DLGAP2: variants seen among roughly 807,000 people sequenced by gnomAD.
DLGAP2 encodes DLG associated protein 2.
DLGAP2 carries 26 observed loss-of-function variants against 100.3 expected under a neutral mutation model. The observed-to-expected ratio is 0.26, with a 90% CI of 0.19 to 0.36. The LOEUF (loss-of-function observed/expected upper bound fraction) is 0.36, where lower values mean the gene tolerates loss of function less well. DLGAP2 is among the 10% of genes least tolerant of loss of function. The pLI is 1.00. For synonymous variants in DLGAP2, 886 were observed against 630.1 expected, an observed-to-expected ratio of 1.41 and a Z score of -6.08; for missense variants, 1,858 against 1,453.2, an observed-to-expected ratio of 1.28 and a Z score of -4.53.
intron 2 of DLGAP2, among the ~76,000 whole-genome samples, chr8:1,165,581 G>C (rs867701921): frequency 6.6e-6 from 1 of 152,254 alleles, no homozygotes; most frequent in Non-Finnish European, 1.5e-5. Flanking sequence ...CAGCCAGCAA[G>C]ACAGGCAGTG....
rs188768672 is a variant in DLGAP2 at position 1,423,792 on chromosome 8, G to C, written c.107-77574G>C. On this transcript the variant is annotated intron_variant, in intron 3 of 14. Coordinates refer to ENST00000637795, the MANE Select transcript of DLGAP2 (RefSeq NM_001346810.2). ...GCAGGAGCAACGGGCCCATGCACTT[G>C]CAAGCTTCTAGTTGTTACAGGAGAA... is the stretch of plus-strand genomic sequence containing the variant. 1.3e-3 allele frequency among the ~76,000 whole-genome samples: 195 copies of C among 152,308 alleles called. 2 individuals carry two copies. The highest frequency in any genetic ancestry group is 4.5e-3 in the African/African-American group (188 of 41,564).
intron 13 of DLGAP2, 141 bp downstream of exon 13, chr8:1,691,767 T>C: frequency 1.3e-6 from 1 of 757,854 alleles, no homozygotes; most frequent in South Asian, 1.9e-5. Context: ...AGAAGAGGCT[T>C]CCCGCCCTGG....
rs373261771 is a variant in DLGAP2 at position 943,602 on chromosome 8, G to A, written c.73+35636G>A. ...GCACAGCGAGAACCGCTCTGTACACGATCATGTGGAGGAGCTGGCATGTGG... is the reference window on the plus strand; with the variant it reads ...GCACAGCGAGAACCGCTCTGTACACAATCATGTGGAGGAGCTGGCATGTGG... On this transcript the variant is annotated intron_variant, in intron 2 of 14. Transcript: ENST00000637795. Among the ~76,000 whole-genome samples the A allele has an allele frequency of 1.8e-4, 28 of 152,074 alleles. 1 individual carries two copies. Among genetic ancestry groups the A allele is most frequent in the Admixed American group, 1.6e-3 (24 of 15,302 alleles).
At chr8:1,263,886 G>C (rs1262179368) in intron 3 of DLGAP2, among the ~76,000 whole-genome samples, 2 of 152,072 alleles carry the variant, frequency 1.3e-5, no homozygotes, top group East Asian at 3.9e-4. Flanking sequence ...GCTATTTGTG[G>C]TTTTTAGTGA....
At chr8:847,922 G>C (rs1292737125) in intron 1 of DLGAP2, among the ~76,000 whole-genome samples, 1 of 152,046 alleles carries the variant, frequency 6.6e-6, no homozygotes, top group Non-Finnish European at 1.5e-5. Flanking sequence ...CTTTTAGCTT[G>C]GATGCTTGCT....
At chr8:1,539,423 A>G (rs1040419176) in intron 4 of DLGAP2, among the ~76,000 whole-genome samples, 14 of 152,118 alleles carry the variant, frequency 9.2e-5, no homozygotes, top group Admixed American at 4.6e-4. Context: ...GACTGTTCCT[A>G]TGATGGACGG....
In DLGAP2 at chr8:1,411,243, CT is replaced by C. The variant is rs141461622; in HGVS notation, c.107-90119del. Among the ~76,000 whole-genome samples, 199 of 152,258 alleles carry C rather than the reference CT, an allele frequency of 1.3e-3. 4 individuals carry two copies. The highest frequency in any genetic ancestry group is 8.3e-4 in the South Asian group (4 of 4,818). On this transcript the variant is annotated intron_variant, in intron 3 of 14. Transcript: ENST00000637795. ...AAATGAATGTTTATATATATTGTGT[CT>C]TTTAACAATGTGCAATGCATAGCTA... is the stretch of plus-strand genomic sequence containing the variant.
chr8:1,108,126 G>C (rs1355109241), intron 2 of DLGAP2, among the ~76,000 whole-genome samples: 1 of 152,140 alleles, frequency 6.6e-6, no homozygotes, highest in Non-Finnish European at 1.5e-5. Flanking sequence ...TGGACTGGAC[G>C]CTGCGCAGAA....
At chr8:893,756 C>G (rs1798084022) in intron 1 of DLGAP2, among the ~76,000 whole-genome samples, 1 of 152,256 alleles carries the variant, frequency 6.6e-6, no homozygotes. Flanking sequence ...AGCACCAGCC[C>G]TGCCAGGTGC....
intron 2 of DLGAP2, among the ~76,000 whole-genome samples, chr8:996,792 T>C (rs1486651147): frequency 6.6e-6 from 1 of 152,204 alleles, no homozygotes; most frequent in Non-Finnish European, 1.5e-5. Context: ...ATCATAAGTG[T>C]GAGTTAATAT....
chr8:1,003,373 C>A (rs1801016065), intron 2 of DLGAP2: 1 of 152,246 alleles, frequency 6.6e-6, no homozygotes, highest in African/African-American at 2.4e-5. Context: ...TGCATCGCAT[C>A]ACCCATCAGT....
chr8:1,645,411 A>G (rs1798018013), intron 8 of DLGAP2, among the ~76,000 whole-genome samples: 1 of 152,202 alleles, frequency 6.6e-6, no homozygotes, highest in South Asian at 2.1e-4. Context: ...GCTTATTAGG[A>G]GTAGGCTGGG....
chr8:1,614,947 C>T (rs978070255), intron 6 of DLGAP2, among the ~76,000 whole-genome samples: 4 of 152,254 alleles, frequency 2.6e-5, no homozygotes, highest in Admixed American at 6.5e-5. Flanking sequence ...AAAGGCGCCG[C>T]GCTCACTCGC....
intron 2 of DLGAP2, among the ~76,000 whole-genome samples, chr8:987,531 C>T (rs1475686438): frequency 1.3e-5 from 2 of 152,182 alleles, no homozygotes; most frequent in African/African-American, 4.8e-5. Context: ...GTCCATTTTC[C>T]AGCCTCTGTT....
chr8:1,417,602 C>T lies in DLGAP2; in HGVS notation c.107-83764C>T, dbSNP rs890539818. ...AAAATGCGGACAGATAAATAGGAGG[C>T]TCAGAAGGACTTCACTGCGTGGCCG... On this transcript the variant is annotated intron_variant, in intron 3 of 14. Transcript: ENST00000637795. 2.2e-4 allele frequency among the ~76,000 whole-genome samples: 7 copies of T among 31,746 alleles called. No homozygotes were observed. The East Asian group carries it at 5.2e-3, about 24-fold the overall frequency. 20.8% of individuals were successfully genotyped at this position (31,746 alleles called of 152,430 possible).
intron 2 of DLGAP2, among the ~76,000 whole-genome samples, chr8:1,174,755 C>G (rs1361510435): frequency 6.6e-6 from 1 of 152,046 alleles, no homozygotes; most frequent in Non-Finnish European, 1.5e-5. Context: ...ATCATCATTA[C>G]TATCACTATC....
intron 1 of DLGAP2, among the ~76,000 whole-genome samples, chr8:898,893 A>G (rs373540110): frequency 2.6e-5 from 4 of 152,344 alleles, no homozygotes; most frequent in African/African-American, 9.6e-5. Flanking sequence ...CCTGCGCATC[A>G]GAGAATGTTT....
chr8:802,056 A>ACACTCCTCCTGGGCCCTCC (rs1796170396), intron 1 of DLGAP2, among the ~76,000 whole-genome samples: 11 of 41,872 alleles, frequency 2.6e-4, no homozygotes, highest in Admixed American at 8.5e-4. Context: ...CCTGGGGAAC[A>ACACTCCTCCTGGGCCCTCC]GTCTGCACCC....
At chr8:939,902 C>A (rs1195588609) in intron 2 of DLGAP2, among the ~76,000 whole-genome samples, 2 of 151,436 alleles carry the variant, frequency 1.3e-5, no homozygotes, top group Non-Finnish European at 2.9e-5. Flanking sequence ...AGGCCCCAGG[C>A]TGCGGTCCCA....
Sources: gnomAD v4.1 joint callset for allele counts (sites outside exome capture counted in the v4.1 genomes callset) on GRCh38, gnomAD v4.1.1 for gene constraint, MANE v1.5 for transcripts, NCBI Gene and HGNC (gene_info 2026-07-23, HGNC 2026-07-21) for gene names.